The following SNX29 variants were observed in gnomAD, a reference collection of about 807,000 sequenced individuals.
SNX29 encodes sorting nexin-29.
A neutral mutation model predicts 102.1 loss-of-function variants in SNX29; 78 were observed. The ratio of observed to expected loss-of-function variants is 0.76; its 90% CI spans 0.64 to 0.92. The LOEUF (loss-of-function observed/expected upper bound fraction) is 0.92. Among genes scored for constraint, SNX29 ranks in the 40% least tolerant of loss-of-function variants. SNX29 has a pLI of 0.00. For missense variants in SNX29, 1,280 were observed against 1,061.7 expected, an observed-to-expected ratio of 1.21 and a Z score of -2.86; for synonymous variants, 580 against 414.5, an observed-to-expected ratio of 1.40 and a Z score of -4.85.
chr16:12,331,243 C>CA (rs2151213706), intron 15 of SNX29, among the ~76,000 whole-genome samples: 1 of 152,220 alleles, frequency 6.6e-6, no homozygotes, highest in East Asian at 1.9e-4. Context: ...GAAACTCCTA[C>CA]ACAGAGATCA....
At chr16:12,243,436 A>C (rs2078171324) in intron 14 of SNX29, among the ~76,000 whole-genome samples, 1 of 152,220 alleles carries the variant, frequency 6.6e-6, no homozygotes, top group African/African-American at 2.4e-5. Flanking sequence ...TCTATGATGA[A>C]TTTATTAATA....
At chr16:12,177,132 G>C (rs1416021443) in intron 13 of SNX29, among the ~76,000 whole-genome samples, 1 of 152,002 alleles carries the variant, frequency 6.6e-6, no homozygotes, top group Non-Finnish European at 1.5e-5. Flanking sequence ...ACTTTTTGTA[G>C]AGACATGGTC....
intron 14 of SNX29, among the ~76,000 whole-genome samples, chr16:12,238,243 G>T (rs938126015): frequency 3.3e-5 from 5 of 151,250 alleles, no homozygotes; most frequent in African/African-American, 1.2e-4. Context: ...TGAAAGGGAG[G>T]AAATTAAGGG....
At chr16:12,170,109 C>T (rs1364959858) in intron 13 of SNX29, among the ~76,000 whole-genome samples, 1 of 152,024 alleles carries the variant, frequency 6.6e-6, no homozygotes, top group African/African-American at 2.4e-5. Context: ...AGGAGTGCTC[C>T]TCCCTTCCCC....
intron 14 of SNX29, among the ~76,000 whole-genome samples, chr16:12,250,210 C>T (rs542251314): frequency 2.0e-5 from 3 of 152,312 alleles, no homozygotes; most frequent in African/African-American, 4.8e-5. Context: ...GAGACAAGAG[C>T]GGGCACGGGA....
chr16:12,251,445 G>A (rs2078419021), intron 14 of SNX29, among the ~76,000 whole-genome samples: 2 of 152,188 alleles, frequency 1.3e-5, no homozygotes, highest in South Asian at 4.1e-4. Flanking sequence ...GCTCATGCCT[G>A]TAATCCCAAC....
chr16:12,114,008 C>G (rs2053594200), intron 11 of SNX29, among the ~76,000 whole-genome samples: 1 of 152,228 alleles, frequency 6.6e-6, no homozygotes, highest in South Asian at 2.1e-4. Flanking sequence ...CAGTTAGAGG[C>G]TGGGCCCACA....
chr16:12,033,043 C>T (rs1464638548), intron 4 of SNX29, among the ~76,000 whole-genome samples: 1 of 151,782 alleles, frequency 6.6e-6, no homozygotes, highest in African/African-American at 2.4e-5. Context: ...TTAGTAGAGG[C>T]AGGGTTTCAC....
chr16:12,269,077 A>G (rs1339806664), intron 14 of SNX29, among the ~76,000 whole-genome samples: 1 of 152,206 alleles, frequency 6.6e-6, no homozygotes, highest in South Asian at 2.1e-4. Context: ...ATAAATGTCT[A>G]TATACTTCTA....
Position 12,571,883 on chromosome 16 carries a change from G to A in SNX29, c.*3254G>A, listed in dbSNP as rs946245093. 40 of 1,061,802 alleles carry A rather than the reference G, an allele frequency of 3.8e-5. No individual in the cohort carries two copies. The South Asian group carries it at 5.0e-4, about 13-fold the overall frequency. The allele number at this position is 1,061,802 out of a possible 1,614,324, so 65.8% of individuals were successfully genotyped here. On this transcript the variant is annotated 3_prime_UTR_variant, in exon 21 of 21. Transcript: ENST00000566228. ...GCAAGGCATTTTAGAGTTTGGAGCTGAGGTTCAAAGCCCCCTGCATTTCTC... is the reference window on the plus strand; with the variant it reads ...GCAAGGCATTTTAGAGTTTGGAGCTAAGGTTCAAAGCCCCCTGCATTTCTC...
chr16:12,526,838 G>A (rs926167158), intron 20 of SNX29: 10 of 404,146 alleles, frequency 2.5e-5, no homozygotes, highest in East Asian at 4.3e-5. Context: ...CCAAACATTC[G>A]CGTGCCGAAT....
At chr16:12,409,184 G>C (rs565100132) in intron 18 of SNX29, among the ~76,000 whole-genome samples, 5 of 152,312 alleles carry the variant, frequency 3.3e-5, no homozygotes, top group African/African-American at 1.2e-4. Flanking sequence ...ACTAGCCGGA[G>C]ACAAAATGAT....
chr16:12,064,641 T>C (rs940149400), intron 9 of SNX29, among the ~76,000 whole-genome samples: 4 of 152,232 alleles, frequency 2.6e-5, no homozygotes, highest in African/African-American at 9.6e-5. Flanking sequence ...TGTCAGGATG[T>C]TGGACTCAGA....
chr16:12,255,475 C>T (rs757747355), intron 14 of SNX29, among the ~76,000 whole-genome samples: 6 of 152,278 alleles, frequency 3.9e-5, no homozygotes, highest in South Asian at 2.1e-4. Context: ...TCCCCTAACC[C>T]GCCAGAACTC....
At chr16:12,442,976 T>C (rs1426291750) in intron 18 of SNX29, 13 of 455,818 alleles carry the variant, frequency 2.9e-5, no homozygotes, top group Admixed American at 2.1e-4. Context: ...ATACTACTTT[T>C]CTTTTGATTT....
rs144617038 is a variant in SNX29, at chr16:12,294,139, G to A, written c.1782+16103G>A. Among the ~76,000 whole-genome samples the A allele has an allele frequency of 6.1e-3, 934 of 152,324 alleles. 4 individuals carry two copies. The highest frequency in any genetic ancestry group is 0.01 in the Non-Finnish European group (698 of 68,036). On this transcript the variant is annotated intron_variant, in intron 15 of 20. Transcript: ENST00000566228. Reference sequence around the variant, plus strand: ...GAGAATCGAAATCCTAGCTCTAGGCGCATGCCTGGGCCCTGTCACCTGACC... The same window carrying A: ...GAGAATCGAAATCCTAGCTCTAGGCACATGCCTGGGCCCTGTCACCTGACC...
intron 3 of SNX29, among the ~76,000 whole-genome samples, chr16:12,022,681 C>T (rs1437078626): frequency 6.6e-6 from 1 of 152,118 alleles, no homozygotes; most frequent in Non-Finnish European, 1.5e-5. Context: ...TCCAAATGTT[C>T]CTTGACTTAT....
chr16:12,290,390 G>A (rs1267088054), intron 15 of SNX29, among the ~76,000 whole-genome samples: 1 of 152,054 alleles, frequency 6.6e-6, no homozygotes, highest in African/African-American at 2.4e-5. Context: ...TGATCTTTCA[G>A]ATCTCATCCT....
intron 13 of SNX29, among the ~76,000 whole-genome samples, chr16:12,156,174 C>G (rs2055541265): frequency 6.6e-6 from 1 of 152,098 alleles, no homozygotes; most frequent in Non-Finnish European, 1.5e-5. Flanking sequence ...TCTTTCTAAT[C>G]TATTTTATTT....
Sources: allele counts gnomAD v4.1 joint callset (sites outside exome capture counted in the v4.1 genomes callset), GRCh38; gene constraint gnomAD v4.1.1; transcripts MANE v1.5; gene names NCBI Gene and HGNC (gene_info 2026-07-23, HGNC 2026-07-21).